GAB2: variants seen among roughly 807,000 people sequenced by gnomAD.
GAB2 encodes the protein GRB2-associated-binding protein 2.
Under a neutral mutation model 65.5 loss-of-function variants are expected in GAB2, and 26 were observed. That is an observed-to-expected ratio of 0.40 (90% CI 0.29 to 0.55). The LOEUF is 0.55. GAB2 is among the 20% of genes least tolerant of loss of function. GAB2 has a pLI of 0.53. For missense variants in GAB2, 884 were observed against 875.8 expected, an observed-to-expected ratio of 1.01 and a Z score of -0.12; for synonymous variants, 321 against 329.6, an observed-to-expected ratio of 0.97 and a Z score of 0.28.
chr11:78,417,402 C>CG (rs1341799052), intron 1 of GAB2, among the ~76,000 whole-genome samples: 1 of 151,978 alleles, frequency 6.6e-6, no homozygotes, highest in Non-Finnish European at 1.5e-5. Context: ...TGGGAGGCGC[C>CG]GCAGCCGCAC....
At chr11:78,402,255 G>T (rs912496565) in intron 1 of GAB2, among the ~76,000 whole-genome samples, 1 of 151,818 alleles carries the variant, frequency 6.6e-6, no homozygotes, top group African/African-American at 2.4e-5. Context: ...TCTTCTCTTG[G>T]ATTACTTCTA....
chr11:78,343,412 G>C (rs1201012636), intron 1 of GAB2, among the ~76,000 whole-genome samples: 2 of 148,746 alleles, frequency 1.3e-5, no homozygotes, highest in Non-Finnish European at 3.0e-5. Flanking sequence ...GGGAGGGGGA[G>C]GGAGGAGAGG....
intron 1 of GAB2, among the ~76,000 whole-genome samples, chr11:78,296,510 A>G (rs1866832982): frequency 6.6e-6 from 1 of 151,832 alleles, no homozygotes; most frequent in Non-Finnish European, 1.5e-5. Context: ...ACTAGACAGA[A>G]CTTCAGCACT....
chr11:78,225,178 T>C lies in GAB2; in HGVS notation c.1232A>G (p.Tyr411Cys), dbSNP rs1864592646. 6.2e-7 allele frequency: 1 copy of C among 1,611,476 alleles called. No homozygotes were observed. The highest frequency in any genetic ancestry group is 8.5e-7 in the Non-Finnish European group (1 of 1,177,570). Residue 411 changes from tyrosine to cysteine, a missense_variant, in exon 5 of 10, where the codon TAC becomes TGC. Physicochemically the swap from Tyr to Cys is radical, Grantham distance 194. Coordinates refer to ENST00000361507, the MANE Select transcript of GAB2 (RefSeq NM_080491.3). ...HRASSCETYEYPQRGGESAGR... is the reference protein window; with the variant it reads ...HRASSCETYECPQRGGESAGR... Reference sequence around the variant, plus strand: ...TGCACTCTCTCCACCACGCTGTGGGTACTCGTAGGTCTCACAGGAAGAAGC... The same window carrying C: ...TGCACTCTCTCCACCACGCTGTGGGCACTCGTAGGTCTCACAGGAAGAAGC...
rs142423169 is a variant in GAB2 at position 78,295,289 on chromosome 11, C to T, written c.76-14388G>A. Reference sequence around the variant, plus strand: ...GACTTTCCGGGTCAATAAACTCTTTCCTCATTTAAGGTAACTTAGGTCACT... The same window carrying T: ...GACTTTCCGGGTCAATAAACTCTTTTCTCATTTAAGGTAACTTAGGTCACT... On this transcript the variant is annotated intron_variant, in intron 1 of 9. Transcript: ENST00000361507. 1.8e-3 allele frequency among the ~76,000 whole-genome samples: 274 copies of T among 152,304 alleles called. 2 individuals carry two copies. Among genetic ancestry groups the T allele is most frequent in the African/African-American group, 6.4e-3 (267 of 41,568 alleles).
intron 1 of GAB2, among the ~76,000 whole-genome samples, chr11:78,382,016 G>A (rs1464185840): frequency 6.6e-6 from 1 of 152,214 alleles, no homozygotes; most frequent in Non-Finnish European, 1.5e-5. Flanking sequence ...ATTCCAGCGT[G>A]TCAGTAACAA....
intron 2 of GAB2, among the ~76,000 whole-genome samples, chr11:78,261,217 G>T (rs1369215275): frequency 6.6e-6 from 1 of 152,126 alleles, no homozygotes; most frequent in Non-Finnish European, 1.5e-5. Context: ...GAGCCCAGGA[G>T]GTCGAGGTTG....
At chr11:78,366,276 T>A (rs1304127537) in intron 1 of GAB2, among the ~76,000 whole-genome samples, 1 of 152,024 alleles carries the variant, frequency 6.6e-6, no homozygotes, top group Non-Finnish European at 1.5e-5. Flanking sequence ...CTCTTTAACA[T>A]AATATGATGA....
At chr11:78,393,613 G>T (rs1414355805) in intron 1 of GAB2, among the ~76,000 whole-genome samples, 1 of 152,160 alleles carries the variant, frequency 6.6e-6, no homozygotes, top group Non-Finnish European at 1.5e-5. Flanking sequence ...CTTTGAATCA[G>T]ACCCTCTTTT....
At chr11:78,288,610 T>C (rs1212113999) in intron 1 of GAB2, among the ~76,000 whole-genome samples, 1 of 151,706 alleles carries the variant, frequency 6.6e-6, no homozygotes, top group African/African-American at 2.4e-5. Flanking sequence ...ATTGAAAAGG[T>C]ATAAATCTAA....
chr11:78,341,506 A>C (rs1856094403), intron 1 of GAB2, among the ~76,000 whole-genome samples: 1 of 152,200 alleles, frequency 6.6e-6, no homozygotes, highest in Non-Finnish European at 1.5e-5. Context: ...CAAATATGTC[A>C]TCAAATTGAG....
chr11:78,361,358 T>G (rs1354181637), intron 1 of GAB2, among the ~76,000 whole-genome samples: 1 of 152,018 alleles, frequency 6.6e-6, no homozygotes, highest in African/African-American at 2.4e-5. Context: ...CAGAAACCTA[T>G]AAATCTAAAA....
intron 1 of GAB2, among the ~76,000 whole-genome samples, chr11:78,304,954 C>G (rs111976052): frequency 0.03 from 4,527 of 152,248 alleles, 209 homozygotes; most frequent in African/African-American, 0.1. Context: ...TCCTATTAAT[C>G]CTTCAAGATT....
At chr11:78,267,197 C>G (rs1865894313) in intron 2 of GAB2, among the ~76,000 whole-genome samples, 1 of 152,138 alleles carries the variant, frequency 6.6e-6, no homozygotes, top group Non-Finnish European at 1.5e-5. Flanking sequence ...GCCAAGATCC[C>G]AGGGCTAACC....
At chr11:78,298,585 G>A (rs12419340) in intron 1 of GAB2, among the ~76,000 whole-genome samples, 3,313 of 152,296 alleles carry the variant, frequency 0.022, 99 homozygotes, top group Admixed American at 0.072. Context: ...CAGAGGACTC[G>A]AAATCCATTA....
At chr11:78,330,014 CA>C (rs1400661437) in intron 1 of GAB2, among the ~76,000 whole-genome samples, 1 of 152,042 alleles carries the variant, frequency 6.6e-6, no homozygotes, top group African/African-American at 2.4e-5. Context: ...TTTCTACTGG[CA>C]AAAAAGGATA....
At chr11:78,395,057 A>C (rs1856878538) in intron 1 of GAB2, among the ~76,000 whole-genome samples, 1 of 151,678 alleles carries the variant, frequency 6.6e-6, no homozygotes, top group Admixed American at 6.5e-5. Context: ...TGGGCACTGG[A>C]ATGACTGGAG....
At chr11:78,331,651 A>G (rs1397611235) in intron 1 of GAB2, among the ~76,000 whole-genome samples, 1 of 152,176 alleles carries the variant, frequency 6.6e-6, no homozygotes, top group Non-Finnish European at 1.5e-5. Flanking sequence ...TATCCTTACC[A>G]CAGAAAACCT....
At chr11:78,234,424 T>C (rs1864932650) in intron 3 of GAB2, among the ~76,000 whole-genome samples, 1 of 152,140 alleles carries the variant, frequency 6.6e-6, no homozygotes, top group Non-Finnish European at 1.5e-5. Context: ...ATGTCTCTGA[T>C]ACATTTTAAT....
Sources: gnomAD v4.1 joint callset for allele counts (sites outside exome capture counted in the v4.1 genomes callset) on GRCh38, gnomAD v4.1.1 for gene constraint, MANE v1.5 for transcripts, NCBI Gene and HGNC (gene_info 2026-07-23, HGNC 2026-07-21) for gene names.